The following EFCAB11 variants were observed in gnomAD, a reference collection of about 807,000 sequenced individuals.
The protein encoded by EFCAB11 is EF-hand calcium-binding domain-containing protein 11.
Under a neutral mutation model 23.0 loss-of-function variants are expected in EFCAB11, and 14 were observed. The observed-to-expected ratio is 0.61, with a 90% CI of 0.40 to 0.95. The LOEUF is 0.95. EFCAB11 is among the 40% of genes least tolerant of loss of function. The pLI, the probability that EFCAB11 is intolerant of heterozygous loss-of-function variation, is 0.00. For missense variants in EFCAB11, 198 were observed against 195.8 expected (o/e 1.01, Z -0.07); for synonymous variants, 65 against 66.6 (o/e 0.98, Z 0.11).
At position 89,931,636 on chromosome 14, in the gene EFCAB11, T is replaced by C. The variant is rs777508577; in HGVS notation, c.320-5A>G. ...CCAAAGTTAAAAATCCACGATCTATTTGAAAACAATAAAAAATATTCACTT... is the reference window on the plus strand; with the variant it reads ...CCAAAGTTAAAAATCCACGATCTATCTGAAAACAATAAAAAATATTCACTT... On this transcript the variant is annotated splice_polypyrimidine_tract_variant and splice_region_variant and intron_variant, in intron 4 of 5. Coordinates refer to ENST00000316738, the MANE Select transcript of EFCAB11 (RefSeq NM_145231.4). The C allele has an allele frequency of 2.5e-6, 4 of 1,611,938 alleles. No individual in the cohort carries two copies. The South Asian group carries it at 4.4e-5, about 18-fold the overall frequency.
At chr14:89,801,927 G>A (rs563847349) in intron 5 of EFCAB11, among the ~76,000 whole-genome samples, 1 of 151,952 alleles carries the variant, frequency 6.6e-6, no homozygotes, top group South Asian at 2.1e-4. Flanking sequence ...CCAGGAGCTG[G>A]AGGTTGCAGT....
At chr14:89,845,137 A>G (rs1035621491) in intron 5 of EFCAB11, among the ~76,000 whole-genome samples, 3 of 152,212 alleles carry the variant, frequency 2.0e-5, no homozygotes, top group African/African-American at 7.2e-5. Context: ...TGGTTAATAA[A>G]CATAAGCTAA....
intron 5 of EFCAB11, among the ~76,000 whole-genome samples, chr14:89,898,487 C>T (rs1889239002): frequency 6.6e-6 from 1 of 152,092 alleles, no homozygotes; most frequent in African/African-American, 2.4e-5. Context: ...GCCTCACCCT[C>T]CTGAGTGGCT....
At chr14:89,912,378 T>A (rs1351948778) in intron 5 of EFCAB11, among the ~76,000 whole-genome samples, 1 of 149,576 alleles carries the variant, frequency 6.7e-6, no homozygotes, top group Non-Finnish European at 1.5e-5. Context: ...TGATGATACA[T>A]AGCTCAGGGG....
At chr14:89,843,624 G>C (rs1887340169) in intron 5 of EFCAB11, among the ~76,000 whole-genome samples, 1 of 152,172 alleles carries the variant, frequency 6.6e-6, no homozygotes, top group South Asian at 2.1e-4. Flanking sequence ...TAGCTGCAGT[G>C]TAGAATTTGA....
At chr14:89,921,063 TAAA>T (rs199585363) in intron 5 of EFCAB11, among the ~76,000 whole-genome samples, 1 of 111,560 alleles carries the variant, frequency 9.0e-6, no homozygotes, top group African/African-American at 5.0e-5. Flanking sequence ...AGACTCTGTC[TAAA>T]AAAAAAAAAA....
At chr14:89,869,927 A>G in intron 5 of EFCAB11, among the ~76,000 whole-genome samples, 1 of 152,228 alleles carries the variant, frequency 6.6e-6, no homozygotes, top group East Asian at 1.9e-4. Context: ...AAGGAGCTGC[A>G]GTCATTCACA....
chr14:89,845,054 G>C (rs1887389361), intron 5 of EFCAB11, among the ~76,000 whole-genome samples: 1 of 152,150 alleles, frequency 6.6e-6, no homozygotes, highest in African/African-American at 2.4e-5. Flanking sequence ...AATCTGTTTT[G>C]TTGTTTTACA....
chr14:89,840,951 A>G (rs1172206734), intron 5 of EFCAB11, among the ~76,000 whole-genome samples: 1 of 152,226 alleles, frequency 6.6e-6, no homozygotes, highest in Non-Finnish European at 1.5e-5. Context: ...AAAATAAGCT[A>G]CAGCTCCCTG....
intron 5 of EFCAB11, among the ~76,000 whole-genome samples, chr14:89,849,719 G>C (rs1596400497): frequency 6.8e-6 from 1 of 146,406 alleles, no homozygotes; most frequent in Non-Finnish European, 1.5e-5. Flanking sequence ...TCACTGGATA[G>C]AAAAAGAACC....
chr14:89,891,801 C>G (rs1394837713), intron 5 of EFCAB11, among the ~76,000 whole-genome samples: 1 of 152,088 alleles, frequency 6.6e-6, no homozygotes, highest in African/African-American at 2.4e-5. Flanking sequence ...GCCATGGAGG[C>G]CGAGGGCTGC....
At chr14:89,870,221 A>G (rs922606246) in intron 5 of EFCAB11, among the ~76,000 whole-genome samples, 2 of 152,192 alleles carry the variant, frequency 1.3e-5, no homozygotes, top group South Asian at 2.1e-4. Context: ...TTAAGCTAAA[A>G]TAATTTTAAA....
intron 3 of EFCAB11, among the ~76,000 whole-genome samples, chr14:89,945,599 C>T (rs867908433): frequency 6.6e-6 from 1 of 152,306 alleles, no homozygotes. Context: ...TCACAAAGAA[C>T]ATACTTTGTA....
intron 5 of EFCAB11, among the ~76,000 whole-genome samples, chr14:89,922,861 G>C (rs1890064536): frequency 6.6e-6 from 1 of 152,160 alleles, no homozygotes; most frequent in South Asian, 2.1e-4. Context: ...AGAAGGTGAA[G>C]ACAATTTCCT....
At chr14:89,820,427 C>T (rs1360001815) in intron 5 of EFCAB11, among the ~76,000 whole-genome samples, 1 of 152,008 alleles carries the variant, frequency 6.6e-6, no homozygotes, top group Non-Finnish European at 1.5e-5. Flanking sequence ...CCACCGCCCC[C>T]ACCACTCTCA....
chr14:89,925,644 C>CTT (rs1173515561), intron 5 of EFCAB11, among the ~76,000 whole-genome samples: 8 of 119,528 alleles, frequency 6.7e-5, no homozygotes, highest in African/African-American at 3.5e-4. Context: ...AGTTATGTTT[C>CTT]TTTCTTTTTT....
chr14:89,873,974 G>A (rs1320817611), intron 5 of EFCAB11, among the ~76,000 whole-genome samples: 2 of 152,202 alleles, frequency 1.3e-5, no homozygotes, highest in African/African-American at 4.8e-5. Flanking sequence ...AGTCCCAGTG[G>A]GGACTCTGTG....
chr14:89,828,845 T>A (rs1404183454), intron 5 of EFCAB11, among the ~76,000 whole-genome samples: 3 of 152,182 alleles, frequency 2.0e-5, no homozygotes, highest in Non-Finnish European at 4.4e-5. Context: ...GTATCAAAGG[T>A]ATTTACTTGG....
intron 5 of EFCAB11, among the ~76,000 whole-genome samples, chr14:89,813,412 T>C (rs1056193486): frequency 2.0e-5 from 3 of 152,218 alleles, no homozygotes; most frequent in Non-Finnish European, 2.9e-5. Context: ...GCATGGTATA[T>C]AAAACTCACA....
Sources: gnomAD v4.1 joint callset for allele counts (sites outside exome capture counted in the v4.1 genomes callset) on GRCh38, gnomAD v4.1.1 for gene constraint, MANE v1.5 for transcripts, NCBI Gene and HGNC (gene_info 2026-07-23, HGNC 2026-07-21) for gene names.